GRM8: variants seen among roughly 807,000 people sequenced by gnomAD.
GRM8 encodes glutamate metabotropic receptor 8.
In GRM8, 47 loss-of-function variants were observed where a neutral mutation model predicts 87.2. The ratio of observed to expected loss-of-function variants is 0.54; its 90% CI spans 0.43 to 0.69. The LOEUF (loss-of-function observed/expected upper bound fraction) is 0.69. Among genes scored for constraint, GRM8 ranks in the 30% least tolerant of loss-of-function variants. The pLI is 0.00. For synonymous variants in GRM8, 396 were observed against 404.5 expected, an observed-to-expected ratio of 0.98 and a Z score of 0.25; for missense variants, 1,019 against 1,139.2, an observed-to-expected ratio of 0.89 and a Z score of 1.52.
At chr7:126,658,095 A>G (rs73449016) in intron 7 of GRM8, among the ~76,000 whole-genome samples, 2,629 of 152,362 alleles carry the variant, frequency 0.017, 62 homozygotes, top group African/African-American at 0.059. Flanking sequence ...ATATGAGTTC[A>G]AAAGGGGAAA....
chr7:126,591,090 T>C (rs1796626038), intron 8 of GRM8, among the ~76,000 whole-genome samples: 1 of 152,086 alleles, frequency 6.6e-6, no homozygotes, highest in South Asian at 2.1e-4. Context: ...AATGGCAGAA[T>C]GGATAATAAT....
chr7:126,712,404 T>A (rs192925948), intron 7 of GRM8, among the ~76,000 whole-genome samples: 1 of 152,168 alleles, frequency 6.6e-6, no homozygotes, highest in East Asian at 1.9e-4. Flanking sequence ...TAATAAAAAC[T>A]TTTGAAATAT....
At chr7:126,690,535 G>A (rs950275044) in intron 7 of GRM8, among the ~76,000 whole-genome samples, 2 of 152,166 alleles carry the variant, frequency 1.3e-5, no homozygotes, top group Non-Finnish European at 2.9e-5. Flanking sequence ...CCTGGCTCAG[G>A]GAGTTCCTTG....
chr7:126,465,672 C>T (rs574963812), intron 9 of GRM8, among the ~76,000 whole-genome samples: 1 of 151,612 alleles, frequency 6.6e-6, no homozygotes, highest in East Asian at 1.9e-4. Flanking sequence ...ATTCAGTGAA[C>T]TTCTTAAACT....
chr7:126,833,660 C>G (rs1361926844), intron 6 of GRM8, among the ~76,000 whole-genome samples: 1 of 152,144 alleles, frequency 6.6e-6, no homozygotes, highest in Non-Finnish European at 1.5e-5. Flanking sequence ...TCATGGAGCC[C>G]CACCTTCATG....
chr7:126,900,493 T>TC (rs1554524760), intron 6 of GRM8, among the ~76,000 whole-genome samples: 1 of 150,278 alleles, frequency 6.7e-6, no homozygotes, highest in Admixed American at 6.6e-5. Context: ...TAGCTAGCTT[T>TC]TTTGTTTGTT....
intron 8 of GRM8, among the ~76,000 whole-genome samples, chr7:126,559,057 A>T (rs1793430551): frequency 6.6e-6 from 1 of 151,874 alleles, no homozygotes; most frequent in Admixed American, 6.6e-5. Flanking sequence ...GGTGTGAGTA[A>T]TGTGCATAGG....
At chr7:127,126,435 C>T (rs1048516438) in intron 2 of GRM8, among the ~76,000 whole-genome samples, 1 of 151,856 alleles carries the variant, frequency 6.6e-6, no homozygotes, top group Non-Finnish European at 1.5e-5. Flanking sequence ...AATGTGTACA[C>T]ACAGAGTATA....
chr7:126,672,091 A>AGCTTTCAT (rs1441225968), intron 7 of GRM8, among the ~76,000 whole-genome samples: 1 of 152,218 alleles, frequency 6.6e-6, no homozygotes, highest in African/African-American at 2.4e-5. Context: ...ACCAACCCCA[A>AGCTTTCAT]GCTTTCATGA....
intron 6 of GRM8, among the ~76,000 whole-genome samples, chr7:126,837,987 A>G (rs1031339591): frequency 2.0e-5 from 3 of 152,220 alleles, no homozygotes; most frequent in African/African-American, 7.2e-5. Context: ...ATATCCTCTT[A>G]AAGTTAAAGA....
intron 2 of GRM8, among the ~76,000 whole-genome samples, chr7:127,211,560 C>A (rs1400269680): frequency 6.6e-6 from 1 of 152,212 alleles, no homozygotes; most frequent in East Asian, 1.9e-4. Context: ...ATCCTTCAAT[C>A]AAGTTGACAC....
chr7:126,620,026 T>C (rs965174499), intron 7 of GRM8, among the ~76,000 whole-genome samples: 37 of 130,164 alleles, frequency 2.8e-4, no homozygotes, highest in African/African-American at 9.3e-4. Context: ...GTTTTCACAC[T>C]GGGTGCAGTG....
intron 7 of GRM8, among the ~76,000 whole-genome samples, chr7:126,749,170 C>G (rs1208658134): frequency 6.6e-6 from 1 of 151,932 alleles, no homozygotes; most frequent in Non-Finnish European, 1.5e-5. Context: ...CCCAGCTACT[C>G]CAGAGGCTGA....
chr7:127,238,586 C>A (rs1798118289), intron 2 of GRM8, among the ~76,000 whole-genome samples: 1 of 152,190 alleles, frequency 6.6e-6, no homozygotes, highest in African/African-American at 2.4e-5. Flanking sequence ...ATGAACCCCA[C>A]CGTACACTCG....
chr7:126,458,272 G>A (rs561071735), intron 9 of GRM8, among the ~76,000 whole-genome samples: 4 of 151,088 alleles, frequency 2.6e-5, no homozygotes, highest in African/African-American at 9.7e-5. Flanking sequence ...GATATTATCA[G>A]GTTTGATTTT....
intron 2 of GRM8, among the ~76,000 whole-genome samples, chr7:127,202,435 C>A (rs1795666694): frequency 6.6e-6 from 1 of 152,190 alleles, no homozygotes; most frequent in African/African-American, 2.4e-5. Flanking sequence ...GCCTCGGCCT[C>A]CCAAAATGCT....
intron 2 of GRM8, among the ~76,000 whole-genome samples, chr7:127,145,194 T>C (rs1408463369): frequency 6.6e-6 from 1 of 152,128 alleles, no homozygotes; most frequent in Non-Finnish European, 1.5e-5. Flanking sequence ...TTAAATCTGA[T>C]TCTAGTTAAA....
intron 3 of GRM8, among the ~76,000 whole-genome samples, chr7:127,031,112 C>A (rs577271133): frequency 2.0e-5 from 3 of 152,206 alleles, no homozygotes; most frequent in East Asian, 1.9e-4. Context: ...CACATCAAGC[C>A]AACTGTGTGG....
rs1386392081 is a variant in GRM8, at chr7:126,907,275, GGAA to G, written c.728-2595_728-2593del. Reference sequence around the variant, plus strand: ...GGAGTAAGAGAAAGGAGGAGGAGGAGGAAGAAGAAAGGGGAGGAGGAAGAGGGA... The same window carrying G: ...GGAGTAAGAGAAAGGAGGAGGAGGAGGAAGAAAGGGGAGGAGGAAGAGGGA... On this transcript the variant is annotated intron_variant, in intron 3 of 10. Transcript: ENST00000339582. Among the ~76,000 whole-genome samples the G allele has an allele frequency of 6.7e-5, 8 of 118,992 alleles. No homozygotes were observed. In the Admixed American group the frequency reaches 6.9e-4, roughly 10 times the overall value. 78.1% of individuals were successfully genotyped at this position (118,992 alleles called of 152,430 possible).
Sources: allele counts gnomAD v4.1 joint callset (sites outside exome capture counted in the v4.1 genomes callset), GRCh38; gene constraint gnomAD v4.1.1; transcripts MANE v1.5; gene names NCBI Gene and HGNC (gene_info 2026-07-23, HGNC 2026-07-21).